Variants in CRYBG3 observed in about 807,000 individuals in gnomAD.
CRYBG3 encodes very large A-kinase anchor protein.
Under a neutral mutation model 244.2 loss-of-function variants are expected in CRYBG3, and 127 were observed. The ratio of observed to expected loss-of-function variants is 0.52; its 90% CI spans 0.45 to 0.60. The LOEUF (loss-of-function observed/expected upper bound fraction) is 0.60. CRYBG3 is among the 20% of genes least tolerant of loss of function. The pLI is 0.00. For missense variants in CRYBG3, 3,325 were observed against 3,442.5 expected, an observed-to-expected ratio of 0.97 and a Z score of 0.85; for synonymous variants, 1,132 against 1,195.8, an observed-to-expected ratio of 0.95 and a Z score of 1.10.
rs1450213561 is a variant in CRYBG3, at chr3:97,874,295, T to C, written c.3101T>C (p.Val1034Ala). The C allele has an allele frequency of 6.5e-7, 1 of 1,528,990 alleles. No individual in the cohort carries two copies. Among genetic ancestry groups the C allele is most frequent in the East Asian group, 2.4e-5 (1 of 40,894 alleles). The allele number at this position is 1,528,990 out of a possible 1,614,324, so 94.7% of individuals were successfully genotyped here. A position where few individuals can be genotyped will look rare whatever the true frequency, so the allele number is the denominator to read the frequency against. The change falls in exon 4 of 22, where the codon GTG becomes GCG. Residue 1034 changes from valine (V) to alanine (A), a missense_variant. By Grantham distance (64) the Val-to-Ala change is moderately conservative (BLOSUM62 0). Coordinates refer to ENST00000389622, the MANE Select transcript of CRYBG3 (RefSeq NM_153605.4). ...EDSSFLKVPS[V>A]LKLEKKSSSY... ...TCAAGCTTCCTTAAAGTACCTTCTGTGCTGAAATTGGAAAAGAAATCCTCA... is the reference window on the plus strand; with the variant it reads ...TCAAGCTTCCTTAAAGTACCTTCTGCGCTGAAATTGGAAAAGAAATCCTCA...
At chr3:97,937,391 A>C (rs1298923741) in intron 19 of CRYBG3, among the ~76,000 whole-genome samples, 1 of 151,916 alleles carries the variant, frequency 6.6e-6, no homozygotes, top group Non-Finnish European at 1.5e-5. Flanking sequence ...TGCTTCTCCA[A>C]CCTCATCTTT....
At chr3:97,847,030 T>G (rs953184054) in intron 2 of CRYBG3, among the ~76,000 whole-genome samples, 5 of 152,090 alleles carry the variant, frequency 3.3e-5, no homozygotes, top group Admixed American at 6.6e-5. Context: ...ACATGTCACA[T>G]AGCAAGAGCA....
chr3:97,844,764 G>C lies in CRYBG3; in HGVS notation c.216+1503G>C, dbSNP rs185583963. On this transcript the variant is annotated intron_variant, in intron 2 of 21. Transcript: ENST00000389622. ...CTTTGTGGATTCAGTAAATATATTT[G>C]GCAAATAGAATAGCTGGGCCTCTAT... Among the ~76,000 whole-genome samples, 5 of 152,252 alleles carry C rather than the reference G, an allele frequency of 3.3e-5. No individual in the cohort carries two copies. In the East Asian group the frequency reaches 7.7e-4, roughly 23 times the overall value.
intron 2 of CRYBG3, among the ~76,000 whole-genome samples, chr3:97,859,819 T>G (rs1464154624): frequency 6.6e-6 from 1 of 152,172 alleles, no homozygotes; most frequent in Non-Finnish European, 1.5e-5. Flanking sequence ...CCTTGCCACT[T>G]TACTTGGCAG....
At chr3:97,895,839 A>C in intron 11 of CRYBG3, 120 bp from the exon 12 acceptor site, 1 of 804,166 alleles carries the variant, frequency 1.2e-6, no homozygotes, top group Non-Finnish European at 1.9e-6. Context: ...AACAAAACTA[A>C]TGTGTTGCTT....
At chr3:97,822,648 C>G (rs2038520253) in intron 1 of CRYBG3, among the ~76,000 whole-genome samples, 1 of 152,212 alleles carries the variant, frequency 6.6e-6, no homozygotes, top group Non-Finnish European at 1.5e-5. Flanking sequence ...TTCCCCTGCC[C>G]GGACGTGATT....
intron 17 of CRYBG3, among the ~76,000 whole-genome samples, chr3:97,923,990 A>G (rs1334975954): frequency 6.6e-6 from 1 of 152,102 alleles, no homozygotes; most frequent in Admixed American, 6.6e-5. Flanking sequence ...TGGGTCAAAA[A>G]TCGCCAAGAT....
At chr3:97,934,694 C>G (rs570875228) in intron 18 of CRYBG3, among the ~76,000 whole-genome samples, 1 of 114,516 alleles carries the variant, frequency 8.7e-6, no homozygotes. Context: ...ATATTATACA[C>G]TTGTATAAAT....
chr3:97,895,070 T>C (rs2039624558), intron 11 of CRYBG3, among the ~76,000 whole-genome samples: 1 of 152,106 alleles, frequency 6.6e-6, no homozygotes, highest in Non-Finnish European at 1.5e-5. Context: ...CTCCTAGGCT[T>C]TATTTTGTCA....
intron 11 of CRYBG3, among the ~76,000 whole-genome samples, chr3:97,894,659 G>C (rs1025183773): frequency 6.6e-6 from 1 of 151,948 alleles, no homozygotes; most frequent in Non-Finnish European, 1.5e-5. Flanking sequence ...ATAAATTTGC[G>C]AATCTTAATT....
rs1471220173 is a variant in CRYBG3 at position 97,892,851 on chromosome 3, A to G, written c.7441-9A>G. On this transcript the variant is annotated splice_polypyrimidine_tract_variant and intron_variant, in intron 10 of 21. Transcript: ENST00000389622. ...TATTAAAATATAAACATGTTAAATA[A>G]TTTTTCAGGTTATTATTTATGAAAA... 3 of 1,396,372 alleles carry G rather than the reference A, an allele frequency of 2.1e-6. No individual in the cohort carries two copies. Among genetic ancestry groups the G allele is most frequent in the Non-Finnish European group, 2.9e-6 (3 of 1,021,384 alleles). The allele number at this position is 1,396,372 out of a possible 1,614,324, so 86.5% of individuals were successfully genotyped here. A position where few individuals can be genotyped will look rare whatever the true frequency, so the allele number is the denominator to read the frequency against.
At chr3:97,864,099 T>C (rs1180387558) in intron 2 of CRYBG3, 118 bp from the exon 3 acceptor site, 2 of 776,584 alleles carry the variant, frequency 2.6e-6, no homozygotes, top group African/African-American at 1.8e-5. Flanking sequence ...ACAGAAGCCA[T>C]TAGTCTTATT....
At chr3:97,870,574 T>C (rs1488103335) in intron 3 of CRYBG3, among the ~76,000 whole-genome samples, 7 of 152,214 alleles carry the variant, frequency 4.6e-5, no homozygotes, top group African/African-American at 1.7e-4. Context: ...GTTTTTGCTA[T>C]TGTGGATAGT....
Position 97,877,212 on chromosome 3 carries a change from C to G in CRYBG3, c.6018C>G (p.Pro2006=). 3.7e-6 allele frequency: 6 copies of G among 1,613,894 alleles called. No homozygotes were observed. The highest frequency in any genetic ancestry group is 5.1e-6 in the Non-Finnish European group (6 of 1,179,886). The change falls in exon 4 of 22, where the codon CCC becomes CCG. Residue 2006 remains proline (P), a synonymous_variant. Transcript: ENST00000389622. The stretch of plus-strand genomic sequence containing the variant: ...CCTTTACTATATTATACGAAGAGCC[C>G]CTTCAAGAGGAGGACAAGTATGCTT... ...NSSFTILYEE[P]LQEEDKYASA... is the part of the protein sequence containing the mutation.
intron 2 of CRYBG3, among the ~76,000 whole-genome samples, chr3:97,860,311 G>A (rs1465296570): frequency 6.6e-6 from 1 of 152,192 alleles, no homozygotes; most frequent in Non-Finnish European, 1.5e-5. Context: ...CGTTGGCCTT[G>A]TGGATGCTAC....
In CRYBG3 at chr3:97,871,880, A is replaced by G. The variant is rs959725137; in HGVS notation, c.686A>G (p.Tyr229Cys). 1.8e-5 allele frequency: 28 copies of G among 1,526,470 alleles called. No individual in the cohort carries two copies. Among genetic ancestry groups the G allele is most frequent in the Non-Finnish European group, 2.2e-5 (25 of 1,144,090 alleles). The allele number at this position is 1,526,470 out of a possible 1,614,324, so 94.6% of individuals were successfully genotyped here. ...DGKPEKPSVT[Y>C]ATYRGPRHIG... ...AAACCAGAGAAGCCTTCAGTAACAT[A>G]TGCAACATATCGAGGCCCAAGACAC... The change falls in exon 4 of 22, where the codon TAT (tyrosine) becomes TGT (cysteine). Residue 229 changes from tyrosine (Y) to cysteine (C), a missense_variant. By Grantham distance (194) the Tyr-to-Cys change is radical (BLOSUM62 -2). Around this residue, in one of 4 missense-constraint regions of CRYBG3, gnomAD observed 1,526 missense variants for 1,443.2 expected, o/e 1.06. Transcript: ENST00000389622.
rs532997952 is a variant in CRYBG3 at position 97,943,058 on chromosome 3, G to A, written c.8825-168G>A. ...GAGTCATAATAAGGTCCAATTTGAG[G>A]TGAATAATGGCTAAGCCTGTTCAAA... On this transcript the variant is annotated intron_variant, in intron 21 of 21. Transcript: ENST00000389622. 66 of 575,480 alleles carry A rather than the reference G, an allele frequency of 1.1e-4. 1 individual carries two copies. The highest frequency in any genetic ancestry group is 9.4e-4 in the South Asian group (42 of 44,902). 35.6% of individuals were successfully genotyped at this position (575,480 alleles called of 1,614,324 possible).
At position 97,822,216 on chromosome 3, in the gene CRYBG3, G is replaced by A. The variant is rs2038510013; in HGVS notation, c.10G>A (p.Gly4Ser). The change falls in exon 1 of 22, where the codon GGC (glycine) becomes AGC (serine). Residue 4 changes from glycine to serine, a missense_variant. Gly to Ser is a moderately conservative substitution (Grantham distance 56). This residue lies in a region of CRYBG3 where 1,526 missense variants were observed against 1,443.2 expected (regional missense o/e 1.06). Coordinates refer to ENST00000389622, the MANE Select transcript of CRYBG3 (RefSeq NM_153605.4). MSS[G>S]RRRGSAPWHS... ...GCGGCCCCCTCGGGAAATGTCCAGC[G>A]GCCGCAGAAGGGGCAGCGCCCCCTG... 6.6e-7 allele frequency: 1 copy of A among 1,522,184 alleles called. No homozygotes were observed. Among genetic ancestry groups the A allele is most frequent in the Non-Finnish European group, 8.8e-7 (1 of 1,140,310 alleles). The allele number at this position is 1,522,184 out of a possible 1,614,324, so 94.3% of individuals were successfully genotyped here. A position where few individuals can be genotyped will look rare whatever the true frequency, so the allele number is the denominator to read the frequency against.
chr3:97,894,696 TA>T (rs1195386794), intron 11 of CRYBG3, among the ~76,000 whole-genome samples: 1 of 152,184 alleles, frequency 6.6e-6, no homozygotes, highest in Non-Finnish European at 1.5e-5. Context: ...TTATACCTTT[TA>T]TTTTTTTTCC....
Sources: gnomAD v4.1 joint callset for allele counts (sites outside exome capture counted in the v4.1 genomes callset) on GRCh38, gnomAD v4.1.1 for gene constraint, gnomAD v4.1.1 regional missense constraint, MANE v1.5 for transcripts, NCBI Gene and HGNC (gene_info 2026-07-23, HGNC 2026-07-21) for gene names.